TMEM132D: variants seen among roughly 807,000 people sequenced by gnomAD.
TMEM132D encodes the protein mature OL transmembrane protein.
A neutral mutation model predicts 62.3 loss-of-function variants in TMEM132D; 21 were observed. That is an observed-to-expected ratio of 0.34 (90% confidence interval 0.24 to 0.49). The LOEUF is 0.49. Among genes scored for constraint, TMEM132D ranks in the 20% least tolerant of loss-of-function variants. The pLI, the probability that TMEM132D is intolerant of heterozygous loss-of-function variation, is 0.99. For missense variants in TMEM132D, 1,346 were observed against 1,402.8 expected (o/e 0.96, Z 0.65); for synonymous variants, 621 against 575.6 (o/e 1.08, Z -1.13).
chr12:129,394,616 A>T (rs1302231405), intron 3 of TMEM132D, among the ~76,000 whole-genome samples: 1 of 152,250 alleles, frequency 6.6e-6, no homozygotes, highest in Non-Finnish European at 1.5e-5. Flanking sequence ...TGTGAGAAGC[A>T]GGGTCTAGCC....
chr12:129,074,020 G>A lies in TMEM132D; in HGVS notation c.3155C>T (p.Ala1052Val), dbSNP rs2135601577. Residue 1052 changes from alanine to valine, a missense_variant, in exon 9 of 9, where the codon GCC becomes GTC. Transcript: ENST00000422113. ...GGGGTACTCGTCGTCTGAGGAGACG[G>A]CGGTGAAGGTGGTAAATTTTACCCT... The part of the protein sequence containing the change: ...RKRVKFTTFT[A>V]VSSDDEYPTR... 6.2e-7 allele frequency: 1 copy of A among 1,614,068 alleles called. No homozygotes were observed. Among genetic ancestry groups the A allele is most frequent in the Non-Finnish European group, 8.5e-7 (1 of 1,179,982 alleles).
chr12:129,577,711 A>G (rs969320585), intron 2 of TMEM132D, among the ~76,000 whole-genome samples: 2 of 152,128 alleles, frequency 1.3e-5, no homozygotes, highest in African/African-American at 4.8e-5. Context: ...ATTTGTCTCA[A>G]ATGTTCAAAA....
chr12:129,841,303 C>T (rs951845757), intron 1 of TMEM132D, among the ~76,000 whole-genome samples: 1 of 151,626 alleles, frequency 6.6e-6, no homozygotes, highest in Non-Finnish European at 1.5e-5. Flanking sequence ...AAATCTATTT[C>T]TAAGATTAAA....
chr12:129,413,354 G>A (rs1190089330), intron 3 of TMEM132D, among the ~76,000 whole-genome samples: 1 of 152,192 alleles, frequency 6.6e-6, no homozygotes, highest in African/African-American at 2.4e-5. Context: ...CACCACGTAA[G>A]ACATGCCTTT....
intron 5 of TMEM132D, among the ~76,000 whole-genome samples, chr12:129,166,299 C>A (rs962002923): frequency 2.0e-5 from 1 of 50,354 alleles, no homozygotes. Flanking sequence ...CTGGAGAACC[C>A]CTGCTCCGTC....
chr12:129,820,138 G>A (rs572496277), intron 1 of TMEM132D, among the ~76,000 whole-genome samples: 1 of 152,204 alleles, frequency 6.6e-6, no homozygotes, highest in African/African-American at 2.4e-5. Context: ...TGCAACCTTG[G>A]CCATAGCAGA....
chr12:129,650,122 G>A (rs1313504741), intron 2 of TMEM132D, among the ~76,000 whole-genome samples: 1 of 152,114 alleles, frequency 6.6e-6, no homozygotes, highest in East Asian at 1.9e-4. Context: ...CACTTATACA[G>A]ATACAAATAC....
intron 1 of TMEM132D, among the ~76,000 whole-genome samples, chr12:129,796,744 G>A (rs990184264): frequency 2.6e-5 from 4 of 152,280 alleles, no homozygotes; most frequent in African/African-American, 9.6e-5. Context: ...TGGGGAGTAA[G>A]GGGAGGGGTA....
chr12:129,303,633 C>T (rs992356910), intron 4 of TMEM132D, among the ~76,000 whole-genome samples: 2 of 151,994 alleles, frequency 1.3e-5, no homozygotes, highest in African/African-American at 4.8e-5. Context: ...GCAGAGCCTC[C>T]GTATTAGTCA....
intron 5 of TMEM132D, among the ~76,000 whole-genome samples, chr12:129,086,428 C>T (rs1210233013): frequency 6.6e-6 from 1 of 152,058 alleles, no homozygotes; most frequent in Non-Finnish European, 1.5e-5. Context: ...CATCCAGTGT[C>T]TATTATTCCA....
intron 4 of TMEM132D, among the ~76,000 whole-genome samples, chr12:129,248,287 G>A (rs1880176378): frequency 6.6e-6 from 1 of 152,172 alleles, no homozygotes; most frequent in South Asian, 2.1e-4. Flanking sequence ...ATGATCTGCT[G>A]ATCCCACACT....
intron 1 of TMEM132D, among the ~76,000 whole-genome samples, chr12:129,759,125 G>A (rs544270807): frequency 6.6e-6 from 1 of 151,870 alleles, no homozygotes; most frequent in Admixed American, 6.6e-5. Flanking sequence ...GTAGAGACAG[G>A]GTTTCACCAT....
At chr12:129,158,789 G>A (rs895234351) in intron 5 of TMEM132D, among the ~76,000 whole-genome samples, 5 of 152,210 alleles carry the variant, frequency 3.3e-5, no homozygotes, top group African/African-American at 7.2e-5. Context: ...TATACTGCCT[G>A]ACACTGGGTA....
intron 1 of TMEM132D, among the ~76,000 whole-genome samples, chr12:129,780,991 C>T (rs1314473647): frequency 6.6e-6 from 1 of 152,156 alleles, no homozygotes; most frequent in Non-Finnish European, 1.5e-5. Context: ...AGTTGTCTGG[C>T]CACTCCCTGC....
intron 2 of TMEM132D, among the ~76,000 whole-genome samples, chr12:129,651,940 C>T (rs977637841): frequency 6.6e-6 from 1 of 152,162 alleles, no homozygotes; most frequent in Non-Finnish European, 1.5e-5. Flanking sequence ...CAAATTTCTG[C>T]AGTTCTGACA....
chr12:129,233,227 T>C (rs1356882109), intron 4 of TMEM132D, among the ~76,000 whole-genome samples: 1 of 152,230 alleles, frequency 6.6e-6, no homozygotes, highest in Non-Finnish European at 1.5e-5. Flanking sequence ...GGGGGCCCTG[T>C]GTGTCTCCAG....
At chr12:129,700,776 C>T (rs1281004425) in intron 1 of TMEM132D, 78 bp from the exon 2 acceptor site, 1 of 1,480,480 alleles carries the variant, frequency 6.8e-7, no homozygotes, top group Non-Finnish European at 9.0e-7. Context: ...CTGCGTGCCC[C>T]CTTCATAACA....
intron 3 of TMEM132D, among the ~76,000 whole-genome samples, chr12:129,504,921 C>G (rs765450190): frequency 3.3e-5 from 5 of 152,108 alleles, no homozygotes; most frequent in Admixed American, 6.5e-5. Context: ...TCACTACTGT[C>G]GTTCAGTTCA....
chr12:129,176,976 G>A (rs1271276785), intron 5 of TMEM132D, among the ~76,000 whole-genome samples: 1 of 152,230 alleles, frequency 6.6e-6, no homozygotes, highest in African/African-American at 2.4e-5. Flanking sequence ...ACTGCCCCCA[G>A]CCGTCTTGAC....
Sources: gnomAD v4.1 joint callset for allele counts (sites outside exome capture counted in the v4.1 genomes callset) on GRCh38, gnomAD v4.1.1 for gene constraint, MANE v1.5 for transcripts, NCBI Gene and HGNC (gene_info 2026-07-23, HGNC 2026-07-21) for gene names.